Variants in FNDC3A observed in about 807,000 individuals in gnomAD.
FNDC3A encodes the protein fibronectin type III domain containing 3A.
Under a neutral mutation model 148.9 loss-of-function variants are expected in FNDC3A, and 32 were observed. The observed-to-expected ratio is 0.21, with a 90% CI of 0.16 to 0.29. The LOEUF (loss-of-function observed/expected upper bound fraction) is 0.29, where lower values mean the gene tolerates loss of function less well. Among genes scored for constraint, FNDC3A ranks in the 10% least tolerant of loss-of-function variants. The pLI, the probability that FNDC3A is intolerant of heterozygous loss-of-function variation, is 1.00. For missense variants in FNDC3A, 1,191 were observed against 1,452.8 expected (o/e 0.82, Z 2.93); for synonymous variants, 472 against 473.6 (o/e 1.00, Z 0.04).
At chr13:49,184,258 G>T (rs1345116870) in intron 14 of FNDC3A, among the ~76,000 whole-genome samples, 1 of 152,170 alleles carries the variant, frequency 6.6e-6, no homozygotes, top group African/African-American at 2.4e-5. Context: ...ATTTTATTTT[G>T]AGTAAGATGG....
intron 2 of FNDC3A, among the ~76,000 whole-genome samples, chr13:49,021,252 A>C (rs1873304775): frequency 6.6e-6 from 1 of 152,148 alleles, no homozygotes; most frequent in Admixed American, 6.5e-5. Flanking sequence ...TTCCTGTCCA[A>C]GTTTTTGGTT....
chr13:48,987,930 A>G (rs909278129), intron 1 of FNDC3A: 4 of 152,260 alleles, frequency 2.6e-5, no homozygotes, highest in Non-Finnish European at 5.9e-5. Flanking sequence ...TTGGCAGCAC[A>G]TATACTAAAA....
chr13:49,152,522 T>A (rs540776432), intron 8 of FNDC3A, among the ~76,000 whole-genome samples: 12 of 152,220 alleles, frequency 7.9e-5, no homozygotes, highest in Admixed American at 3.3e-4. Context: ...GGTTTTTTTT[T>A]AATTATACTT....
intron 24 of FNDC3A, among the ~76,000 whole-genome samples, chr13:49,202,955 C>T (rs906155992): frequency 6.6e-6 from 1 of 152,190 alleles, no homozygotes; most frequent in Non-Finnish European, 1.5e-5. Context: ...GGCTGGGTGA[C>T]AGAGTGAGAT....
rs1007604181 is a variant in FNDC3A, at chr13:49,031,755, G to T, written c.99+25466G>T. The stretch of plus-strand genomic sequence containing the variant: ...CTAGATAAAAAACTAAAAAGCACAA[G>T]TAGGAGAAGAAAAATGAGATACAGT... On this transcript the variant is annotated intron_variant, in intron 2 of 25. Coordinates refer to ENST00000492622, the MANE Select transcript of FNDC3A (RefSeq NM_001079673.2). Among the ~76,000 whole-genome samples the T allele has an allele frequency of 1.3e-5, 2 of 152,142 alleles. 1 individual carries two copies. The highest frequency in any genetic ancestry group is 4.1e-4 in the South Asian group (2 of 4,820).
rs559754558 is a variant in FNDC3A, at chr13:49,041,033, T to C, written c.100-34256T>C. On this transcript the variant is annotated intron_variant, in intron 2 of 25. Coordinates refer to ENST00000492622, the MANE Select transcript of FNDC3A (RefSeq NM_001079673.2). ...TTCCACTGCATTTGTGGCAGATGAA[T>C]GTAAAATAGCATAGGAATCCAGATA... Among the ~76,000 whole-genome samples the C allele has an allele frequency of 1.6e-4, 24 of 152,350 alleles. No homozygotes were observed. In the South Asian group the frequency reaches 1.9e-3, roughly 12 times the overall value.
chr13:49,031,011 T>G (rs1046041654), intron 2 of FNDC3A, among the ~76,000 whole-genome samples: 13 of 152,178 alleles, frequency 8.5e-5, no homozygotes, highest in Non-Finnish European at 1.6e-4. Flanking sequence ...CTAAAATTTG[T>G]ATGGAAATGC....
intron 2 of FNDC3A, 62 bp from the exon 3 acceptor site, chr13:49,075,227 A>G (rs1458623827): frequency 4.1e-6 from 4 of 975,020 alleles, no homozygotes; most frequent in African/African-American, 1.6e-5. Flanking sequence ...CTCTGTTACT[A>G]TTTTTATATT....
intron 1 of FNDC3A, among the ~76,000 whole-genome samples, chr13:49,005,813 T>G (rs1236021869): frequency 6.6e-6 from 1 of 151,822 alleles, no homozygotes; most frequent in Non-Finnish European, 1.5e-5. Flanking sequence ...TATCCCAGTG[T>G]TTAGATTAAG....
intron 6 of FNDC3A, among the ~76,000 whole-genome samples, chr13:49,137,353 G>A (rs559509561): frequency 6.6e-6 from 1 of 151,436 alleles, no homozygotes; most frequent in South Asian, 2.1e-4. Flanking sequence ...TTGTTTGTTT[G>A]TTTGTTTTTG....
chr13:49,103,855 T>C (rs189796952), intron 3 of FNDC3A, among the ~76,000 whole-genome samples: 6 of 152,260 alleles, frequency 3.9e-5, no homozygotes, highest in African/African-American at 1.4e-4. Flanking sequence ...TTTATGTAAA[T>C]TAAGTATTAT....
chr13:49,060,735 T>C (rs1876619207), intron 2 of FNDC3A, among the ~76,000 whole-genome samples: 1 of 150,268 alleles, frequency 6.7e-6, no homozygotes, highest in African/African-American at 2.5e-5. Context: ...AGAAGCCAGG[T>C]CACAAAAGAT....
At position 49,160,422 on chromosome 13, in the gene FNDC3A, T is replaced by G. The variant is rs919330757; in HGVS notation, c.978-6822T>G. Among the ~76,000 whole-genome samples, 321 of 152,336 alleles carry G rather than the reference T, an allele frequency of 2.1e-3. 1 individual carries two copies. Among genetic ancestry groups the G allele is most frequent in the Non-Finnish European group, 3.7e-3 (252 of 68,026 alleles). On this transcript the variant is annotated intron_variant, in intron 8 of 25. Transcript: ENST00000492622. ...TATTTGCATAGAGGTGTTTATAGTA[T>G]TCTCTGATGGTAGTTTGTATTTCTG...
intron 1 of FNDC3A, among the ~76,000 whole-genome samples, chr13:49,000,440 G>T (rs1429302331): frequency 1.3e-5 from 2 of 152,080 alleles, no homozygotes; most frequent in Non-Finnish European, 2.9e-5. Context: ...CTAGTCTGTT[G>T]TCTTCCTTTA....
chr13:49,182,681 A>G (rs1885369207), intron 14 of FNDC3A, among the ~76,000 whole-genome samples: 1 of 152,126 alleles, frequency 6.6e-6, no homozygotes, highest in South Asian at 2.1e-4. Context: ...AGGTAAAGAG[A>G]AATCAAAACA....
At chr13:49,043,495 A>T (rs1875115166) in intron 2 of FNDC3A, among the ~76,000 whole-genome samples, 1 of 152,148 alleles carries the variant, frequency 6.6e-6, no homozygotes, top group Non-Finnish European at 1.5e-5. Flanking sequence ...AAACTAATTG[A>T]TAATGTTGTT....
At chr13:49,013,859 G>A (rs553939415) in intron 2 of FNDC3A, among the ~76,000 whole-genome samples, 1 of 150,352 alleles carries the variant, frequency 6.7e-6, no homozygotes, top group Non-Finnish European at 1.5e-5. Context: ...TTGGTTTTTT[G>A]TTCTTGCAGT....
chr13:49,096,616 G>A (rs1879541293), intron 3 of FNDC3A, among the ~76,000 whole-genome samples: 1 of 152,134 alleles, frequency 6.6e-6, no homozygotes, highest in Non-Finnish European at 1.5e-5. Flanking sequence ...AGAAAACACA[G>A]TCACTGAATG....
chr13:48,988,240 C>T (rs190221785), intron 1 of FNDC3A, among the ~76,000 whole-genome samples: 58 of 152,176 alleles, frequency 3.8e-4, no homozygotes, highest in Admixed American at 2.7e-3. Context: ...ATTAGATCAA[C>T]GAGACAGGAA....
Sources: allele counts gnomAD v4.1 joint callset (sites outside exome capture counted in the v4.1 genomes callset), GRCh38; gene constraint gnomAD v4.1.1; transcripts MANE v1.5; gene names NCBI Gene and HGNC (gene_info 2026-07-23, HGNC 2026-07-21).